Variants in RERE observed in about 807,000 individuals in gnomAD.
RERE encodes arginine-glutamic acid dipeptide repeats protein.
RERE carries 40 observed loss-of-function variants against 146.1 expected under a neutral mutation model. The ratio of observed to expected loss-of-function variants is 0.27; its 90% CI spans 0.21 to 0.36. The LOEUF (loss-of-function observed/expected upper bound fraction) is 0.36, where lower values mean the gene tolerates loss of function less well. Among genes scored for constraint, RERE ranks in the 10% least tolerant of loss-of-function variants. The pLI, the probability that RERE is intolerant of heterozygous loss-of-function variation, is 1.00. For missense variants in RERE, 1,933 were observed against 2,138.7 expected (o/e 0.90, Z 1.90); for synonymous variants, 1,003 against 866.0 (o/e 1.16, Z -2.78).
At chr1:8,474,945 A>T (rs1280077504) in intron 10 of RERE, among the ~76,000 whole-genome samples, 2 of 152,246 alleles carry the variant, frequency 1.3e-5, no homozygotes, top group African/African-American at 4.8e-5. Context: ...ACATCACAAG[A>T]AACTGTCAAA....
At chr1:8,716,318 A>T (rs1265779004) in intron 1 of RERE, among the ~76,000 whole-genome samples, 1 of 137,178 alleles carries the variant, frequency 7.3e-6, no homozygotes, top group Admixed American at 7.3e-5. Context: ...AAAAAAAAAA[A>T]TTAAAAAATT....
At chr1:8,530,901 C>T (rs1384623350) in intron 7 of RERE, among the ~76,000 whole-genome samples, 1 of 151,452 alleles carries the variant, frequency 6.6e-6, no homozygotes, top group Non-Finnish European at 1.5e-5. Flanking sequence ...CCTTGTTAGC[C>T]AGGATGGTCC....
At chr1:8,737,714 G>A (rs1385295782) in intron 1 of RERE, among the ~76,000 whole-genome samples, 15 of 152,030 alleles carry the variant, frequency 9.9e-5, no homozygotes, top group African/African-American at 3.4e-4. Flanking sequence ...AAGATAACAG[G>A]TGTGAGCCAC....
chr1:8,661,143 G>C (rs937104390), intron 1 of RERE, among the ~76,000 whole-genome samples: 3 of 152,212 alleles, frequency 2.0e-5, no homozygotes, highest in Non-Finnish European at 4.4e-5. Context: ...CTCTGAGGGG[G>C]CTTTGACCCT....
At chr1:8,381,239 A>G (rs1339115608) in intron 12 of RERE, among the ~76,000 whole-genome samples, 1 of 152,138 alleles carries the variant, frequency 6.6e-6, no homozygotes, top group Non-Finnish European at 1.5e-5. Context: ...CTATAACATG[A>G]TTCCCCTCCT....
At position 8,607,534 on chromosome 1, in the gene RERE, C is replaced by CTTT. The variant is rs1167501074; in HGVS notation, c.522+7024_522+7026dup. ...CGCATATTTGTTTTTATATATATTT[C>CTTT]TTTTTTTTTTTTTTTTTTTTTTTTT... On this transcript the variant is annotated intron_variant, in intron 4 of 22. Coordinates refer to ENST00000400908, the MANE Select transcript of RERE (RefSeq NM_001042681.2). Among the ~76,000 whole-genome samples the CTTT allele has an allele frequency of 2.9e-3, 142 of 48,578 alleles. 22 individuals are homozygous for CTTT. The highest frequency in any genetic ancestry group is 7.5e-3 in the African/African-American group (88 of 11,664). 31.9% of individuals were successfully genotyped at this position (48,578 alleles called of 152,430 possible). A position where few individuals can be genotyped will look rare whatever the true frequency, so the allele number is the denominator to read the frequency against.
chr1:8,692,344 C>CTT (rs55723477), intron 1 of RERE, among the ~76,000 whole-genome samples: 1,848 of 147,562 alleles, frequency 0.013, 22 homozygotes, highest in Middle Eastern at 0.043. Flanking sequence ...CTCCCATATA[C>CTT]TTTTTTTTTT....
chr1:8,433,602 G>A (rs1267396841), intron 11 of RERE, among the ~76,000 whole-genome samples: 1 of 144,436 alleles, frequency 6.9e-6, no homozygotes, highest in Non-Finnish European at 1.5e-5. Flanking sequence ...CGCCCAGGTC[G>A]GACTGCGGAC....
chr1:8,447,992 G>A (rs566989845), intron 11 of RERE, among the ~76,000 whole-genome samples: 1 of 152,244 alleles, frequency 6.6e-6, no homozygotes, highest in East Asian at 1.9e-4. Context: ...ACTATCTCAT[G>A]CCTATGTCAT....
chr1:8,445,876 A>C (rs1644311552), intron 11 of RERE, among the ~76,000 whole-genome samples: 1 of 115,284 alleles, frequency 8.7e-6, no homozygotes, highest in Non-Finnish European at 1.6e-5. Context: ...CCCTGTGTCC[A>C]TGTGTTCTCA....
chr1:8,717,239 T>C (rs1403592141), intron 1 of RERE, among the ~76,000 whole-genome samples: 1 of 152,114 alleles, frequency 6.6e-6, no homozygotes, highest in Non-Finnish European at 1.5e-5. Flanking sequence ...AAAAAGAGAG[T>C]AAGAATAAGA....
chr1:8,713,697 G>A (rs1467634537), intron 1 of RERE, among the ~76,000 whole-genome samples: 3 of 152,052 alleles, frequency 2.0e-5, no homozygotes, highest in Non-Finnish European at 2.9e-5. Context: ...TTGTACCACT[G>A]CACTCCAGCC....
chr1:8,799,944 GT>G (rs1383339853), intron 1 of RERE, among the ~76,000 whole-genome samples: 1 of 151,968 alleles, frequency 6.6e-6, no homozygotes, highest in Non-Finnish European at 1.5e-5. Flanking sequence ...CTCCCAAGTA[GT>G]TGGGATTACA....
chr1:8,808,402 G>A (rs1641730698), intron 1 of RERE, among the ~76,000 whole-genome samples: 2 of 152,058 alleles, frequency 1.3e-5, no homozygotes, highest in Admixed American at 1.3e-4. Flanking sequence ...AAACAACAAA[G>A]AGAACATACT....
intron 12 of RERE, among the ~76,000 whole-genome samples, chr1:8,421,189 A>C (rs1307003600): frequency 6.6e-6 from 1 of 152,232 alleles, no homozygotes; most frequent in Non-Finnish European, 1.5e-5. Flanking sequence ...AGAGACAGAG[A>C]ACTTGAGAGG....
At chr1:8,582,275 C>T (rs1038446478) in intron 4 of RERE, among the ~76,000 whole-genome samples, 2 of 152,002 alleles carry the variant, frequency 1.3e-5, no homozygotes, top group Non-Finnish European at 2.9e-5. Flanking sequence ...GGGCTGATCA[C>T]AGCACACAAT....
chr1:8,724,065 A>AAAG (rs1490097400), intron 1 of RERE, among the ~76,000 whole-genome samples: 2 of 152,246 alleles, frequency 1.3e-5, no homozygotes, highest in South Asian at 2.1e-4. Context: ...AACATCTGAC[A>AAAG]AAAACCAGCT....
intron 1 of RERE, among the ~76,000 whole-genome samples, chr1:8,789,301 A>ATAT (rs1553149621): frequency 6.0e-4 from 15 of 24,808 alleles, no homozygotes; most frequent in African/African-American, 1.9e-3. Context: ...AAAAAAAAAA[A>ATAT]ATATATATAT....
At chr1:8,362,622 C>A (rs1641628472) in intron 16 of RERE, 61 bp downstream of exon 16, 12 of 1,607,666 alleles carry the variant, frequency 7.5e-6, no homozygotes, top group African/African-American at 2.7e-5. Context: ...CGAATACCAG[C>A]AAACCAGTTT....
Sources: gnomAD v4.1 joint callset for allele counts (sites outside exome capture counted in the v4.1 genomes callset) on GRCh38, gnomAD v4.1.1 for gene constraint, MANE v1.5 for transcripts, NCBI Gene and HGNC (gene_info 2026-07-23, HGNC 2026-07-21) for gene names.